The following NCKAP5 variants were observed in gnomAD, a reference collection of about 807,000 sequenced individuals.
The protein encoded by NCKAP5 is NCK associated protein 5, also known as nck-associated protein 5.
A neutral mutation model predicts 167.0 loss-of-function variants in NCKAP5; 92 were observed. That is an observed-to-expected ratio of 0.55 (90% CI 0.47 to 0.66). The LOEUF (loss-of-function observed/expected upper bound fraction) is 0.66. Ranked by LOEUF, NCKAP5 falls within the 30% of genes least tolerant of loss-of-function variation. The probability of loss-of-function intolerance (pLI) is 0.00; values close to 1 mark genes in which losing one functional copy is unlikely to be tolerated. For missense variants in NCKAP5, 2,378 were observed against 2,315.0 expected, an observed-to-expected ratio of 1.03 and a Z score of -0.56; for synonymous variants, 891 against 877.4, an observed-to-expected ratio of 1.02 and a Z score of -0.27.
chr2:133,424,731 G>A (rs551537166), intron 3 of NCKAP5, among the ~76,000 whole-genome samples: 19 of 152,230 alleles, frequency 1.2e-4, no homozygotes, highest in Non-Finnish European at 2.4e-4. Context: ...AGAAGTAGAC[G>A]AACCTGGTTG....
intron 4 of NCKAP5, among the ~76,000 whole-genome samples, chr2:133,267,778 G>A (rs2089311771): frequency 6.6e-6 from 1 of 152,044 alleles, no homozygotes; most frequent in Non-Finnish European, 1.5e-5. Context: ...GAAATGAGAT[G>A]CTCCTTTCAA....
intron 3 of NCKAP5, among the ~76,000 whole-genome samples, chr2:133,399,072 G>A (rs938463815): frequency 2.0e-5 from 3 of 152,188 alleles, no homozygotes; most frequent in Non-Finnish European, 2.9e-5. Flanking sequence ...CACAGAGACC[G>A]AGGCCGCTGC....
chr2:133,349,997 C>T (rs767339929), intron 3 of NCKAP5, among the ~76,000 whole-genome samples: 25 of 152,198 alleles, frequency 1.6e-4, no homozygotes, highest in Non-Finnish European at 2.9e-4. Context: ...ACATAGCTTT[C>T]CCCATGATAA....
At chr2:133,341,961 C>T (rs952942739) in intron 3 of NCKAP5, among the ~76,000 whole-genome samples, 7 of 151,660 alleles carry the variant, frequency 4.6e-5, no homozygotes, top group South Asian at 4.2e-4. Context: ...TTTTTTGAGA[C>T]GGAGTCTCAC....
intron 8 of NCKAP5, among the ~76,000 whole-genome samples, chr2:132,884,153 C>T (rs1456976170): frequency 1.3e-5 from 2 of 152,172 alleles, no homozygotes; most frequent in African/African-American, 2.4e-5. Flanking sequence ...TGTGAACACC[C>T]CAGTCCCTCA....
chr2:133,000,740 C>G (rs537044767), intron 6 of NCKAP5, among the ~76,000 whole-genome samples: 6 of 152,210 alleles, frequency 3.9e-5, no homozygotes, highest in African/African-American at 1.2e-4. Context: ...AAATTCAAAA[C>G]AGGTGTCCAT....
chr2:133,263,476 C>T (rs1401093272), intron 4 of NCKAP5, among the ~76,000 whole-genome samples: 1 of 151,962 alleles, frequency 6.6e-6, no homozygotes, highest in Non-Finnish European at 1.5e-5. Flanking sequence ...CTATGGTATA[C>T]CACCCTGCTT....
intron 19 of NCKAP5, among the ~76,000 whole-genome samples, chr2:132,724,677 A>T (rs1690274809): frequency 1.3e-5 from 2 of 152,094 alleles, no homozygotes; most frequent in Non-Finnish European, 2.9e-5. Flanking sequence ...AGGGGTATTC[A>T]CCATTTTCTT....
chr2:133,180,207 T>C (rs1391856795), intron 5 of NCKAP5, among the ~76,000 whole-genome samples: 1 of 152,132 alleles, frequency 6.6e-6, no homozygotes, highest in African/African-American at 2.4e-5. Context: ...CAGAATCCTA[T>C]ACCCAGTCAA....
chr2:132,784,404 T>A lies in NCKAP5; in HGVS notation c.2407A>T (p.Ile803Leu), dbSNP rs1278402741. ...GGTGAAGACTTGCCCCTGGGAGGTA[T>A]TTTTGTCAGATTTTGCTTTTGATAG... is the stretch of plus-strand genomic sequence containing the variant. Reference protein sequence around the residue: ...GIYQKQNLTKIPPRGKSSPQK... With the variant: ...GIYQKQNLTKLPPRGKSSPQK... Residue 803 changes from isoleucine to leucine, a missense_variant, in exon 14 of 20, where the codon ATA becomes TTA. By Grantham distance (5) the Ile-to-Leu change is conservative. Coordinates refer to ENST00000409261, the MANE Select transcript of NCKAP5 (RefSeq NM_207363.3). 6.2e-7 allele frequency: 1 copy of A among 1,613,330 alleles called. No homozygotes were observed. Among genetic ancestry groups the A allele is most frequent in the South Asian group, 1.1e-5 (1 of 90,974 alleles).
At chr2:133,356,359 CTG>C (rs1394800698) in intron 3 of NCKAP5, among the ~76,000 whole-genome samples, 1 of 152,204 alleles carries the variant, frequency 6.6e-6, no homozygotes, top group East Asian at 1.9e-4. Context: ...GGGGCCCTGT[CTG>C]TGCAGAGATA....
intron 8 of NCKAP5, among the ~76,000 whole-genome samples, chr2:132,928,139 T>C (rs934980974): frequency 3.3e-5 from 5 of 152,204 alleles, no homozygotes; most frequent in South Asian, 4.1e-4. Flanking sequence ...CAATGTCAGC[T>C]TTACCACTTA....
chr2:132,919,761 A>G lies in NCKAP5; in HGVS notation c.580-40845T>C, dbSNP rs569523582. Among the ~76,000 whole-genome samples, 44 of 152,342 alleles carry G rather than the reference A, an allele frequency of 2.9e-4. No individual in the cohort carries two copies. In the East Asian group the frequency reaches 8.3e-3, roughly 29 times the overall value. ...ATATGATCTCTAGAAGATGACATCT[A>G]TACTTCTACAAGACGATGCATCAAC... On this transcript the variant is annotated intron_variant, in intron 8 of 19. Coordinates refer to ENST00000409261, the MANE Select transcript of NCKAP5 (RefSeq NM_207363.3).
At chr2:133,385,825 T>A (rs1177425066) in intron 3 of NCKAP5, among the ~76,000 whole-genome samples, 1 of 152,222 alleles carries the variant, frequency 6.6e-6, no homozygotes, top group Non-Finnish European at 1.5e-5. Flanking sequence ...ATTTTCTAGT[T>A]TATTTGCATA....
intron 2 of NCKAP5, among the ~76,000 whole-genome samples, chr2:133,535,335 T>G (rs2104850559): frequency 6.6e-6 from 1 of 152,238 alleles, no homozygotes; most frequent in South Asian, 2.1e-4. Context: ...TTTCCCTCTA[T>G]ATGTCCGTGC....
At chr2:132,983,157 C>A (rs1243294089) in intron 7 of NCKAP5, among the ~76,000 whole-genome samples, 1 of 152,098 alleles carries the variant, frequency 6.6e-6, no homozygotes, top group African/African-American at 2.4e-5. Context: ...ACATTGATTT[C>A]ATATCCTGAA....
chr2:133,016,714 T>G (rs1175499429), intron 6 of NCKAP5, among the ~76,000 whole-genome samples: 1 of 152,150 alleles, frequency 6.6e-6, no homozygotes, highest in Non-Finnish European at 1.5e-5. Context: ...AAAGTTTGTG[T>G]CTGAAAGGTT....
intron 8 of NCKAP5, among the ~76,000 whole-genome samples, chr2:132,902,961 C>A (rs1693740929): frequency 6.6e-6 from 1 of 152,186 alleles, no homozygotes; most frequent in African/African-American, 2.4e-5. Flanking sequence ...TTGGCATCCA[C>A]TTATGTAGGT....
intron 16 of NCKAP5, among the ~76,000 whole-genome samples, chr2:132,734,666 C>T (rs1462826883): frequency 2.6e-5 from 4 of 152,150 alleles, no homozygotes; most frequent in Non-Finnish European, 5.9e-5. Flanking sequence ...ATCATTTCTT[C>T]ATCCTCACAT....
Sources: allele counts gnomAD v4.1 joint callset (sites outside exome capture counted in the v4.1 genomes callset), GRCh38; gene constraint gnomAD v4.1.1; transcripts MANE v1.5; gene names NCBI Gene and HGNC (gene_info 2026-07-23, HGNC 2026-07-21).